The following SGMS1 variants were observed in gnomAD, a reference collection of about 807,000 sequenced individuals.
SGMS1 encodes sphingomyelin synthase 1, also known as phosphatidylcholine:ceramide cholinephosphotransferase 1.
In SGMS1, 13 loss-of-function variants were observed where a neutral mutation model predicts 46.2. That is an observed-to-expected ratio of 0.28 (90% CI 0.18 to 0.45). The LOEUF (loss-of-function observed/expected upper bound fraction) is 0.45. Ranked by LOEUF, SGMS1 falls within the 20% of genes least tolerant of loss-of-function variation. The pLI is 1.00. For synonymous variants in SGMS1, 203 were observed against 187.8 expected (o/e 1.08, Z -0.66); for missense variants, 324 against 519.9 (o/e 0.62, Z 3.66).
Position 50,306,929 on chromosome 10 carries a change from T to A in SGMS1, c.*213A>T. ...ACTTATGAACAGGAAATGTGTACAG[T>A]GCATGATAGGTTAAATTTTTCTTTA... On this transcript the variant is annotated 3_prime_UTR_variant, in exon 11 of 11. Coordinates refer to ENST00000361781, the MANE Select transcript of SGMS1 (RefSeq NM_147156.4). 1.9e-6 allele frequency: 1 copy of A among 534,804 alleles called. No homozygotes were observed. Among genetic ancestry groups the A allele is most frequent in the East Asian group, 3.0e-5 (1 of 33,504 alleles). 33.1% of individuals were successfully genotyped at this position (534,804 alleles called of 1,614,324 possible). A position where few individuals can be genotyped will look rare whatever the true frequency, so the allele number is the denominator to read the frequency against.
intron 6 of SGMS1, among the ~76,000 whole-genome samples, chr10:50,351,519 A>G (rs891475532): frequency 6.6e-6 from 1 of 152,204 alleles, no homozygotes; most frequent in Non-Finnish European, 1.5e-5. Flanking sequence ...AATTCCCATA[A>G]TTCCCATGTA....
intron 7 of SGMS1, among the ~76,000 whole-genome samples, chr10:50,338,825 CG>C (rs1160341012): frequency 6.6e-6 from 1 of 151,878 alleles, no homozygotes; most frequent in African/African-American, 2.4e-5. Flanking sequence ...CTGCAACCTC[CG>C]CCTCCTGGGT....
At chr10:50,367,006 T>C (rs1848358623) in intron 6 of SGMS1, among the ~76,000 whole-genome samples, 1 of 152,144 alleles carries the variant, frequency 6.6e-6, no homozygotes, top group Non-Finnish European at 1.5e-5. Flanking sequence ...AAAGAAGATA[T>C]CTATGCAGCC....
At chr10:50,390,112 C>T (rs1352809004) in intron 6 of SGMS1, among the ~76,000 whole-genome samples, 1 of 152,166 alleles carries the variant, frequency 6.6e-6, no homozygotes, top group Admixed American at 6.5e-5. Context: ...ATAAATAATT[C>T]ATTGAATAAT....
At chr10:50,453,685 G>A (rs1003119383) in intron 5 of SGMS1, among the ~76,000 whole-genome samples, 8 of 148,638 alleles carry the variant, frequency 5.4e-5, no homozygotes, top group South Asian at 2.1e-4. Context: ...AAGAAATAAC[G>A]ATAAAATATT....
chr10:50,581,708 C>T (rs1298470589), intron 2 of SGMS1, among the ~76,000 whole-genome samples: 1 of 152,164 alleles, frequency 6.6e-6, no homozygotes, highest in Non-Finnish European at 1.5e-5. Context: ...AGTAGCTAAT[C>T]CCTTTACTCT....
chr10:50,624,519 TGG>T (rs1296478840), upstream of SGMS1: 1 of 902,186 alleles, frequency 1.1e-6, no homozygotes, highest in Admixed American at 6.2e-5. Flanking sequence ...TGGCGACGCC[TGG>T]GAGCGCGACG....
At chr10:50,356,929 A>T (rs542329536) in intron 6 of SGMS1, among the ~76,000 whole-genome samples, 65 of 150,640 alleles carry the variant, frequency 4.3e-4, no homozygotes, top group Middle Eastern at 3.4e-3. Context: ...GGGTGGGGGG[A>T]GTGGGGAGGG....
At chr10:50,396,232 G>C (rs978635615) in intron 6 of SGMS1, among the ~76,000 whole-genome samples, 3 of 152,086 alleles carry the variant, frequency 2.0e-5, no homozygotes, top group Admixed American at 1.3e-4. Flanking sequence ...CCCCTCTAGA[G>C]GTCCAAGCTT....
chr10:50,620,975 G>A (rs1201774995), intron 1 of SGMS1, among the ~76,000 whole-genome samples: 1 of 152,122 alleles, frequency 6.6e-6, no homozygotes, highest in African/African-American at 2.4e-5. Flanking sequence ...CTTGAGCCCA[G>A]GAGTTTGGGA....
chr10:50,348,695 T>A (rs1847955546), intron 6 of SGMS1, among the ~76,000 whole-genome samples: 1 of 152,204 alleles, frequency 6.6e-6, no homozygotes. Context: ...AAACATCCCA[T>A]GCTTATGGAT....
At chr10:50,611,567 C>T (rs190873321) in intron 1 of SGMS1, among the ~76,000 whole-genome samples, 2 of 152,328 alleles carry the variant, frequency 1.3e-5, no homozygotes, top group Admixed American at 6.5e-5. Context: ...TGTGCTTGGA[C>T]AGCCAGCAGC....
chr10:50,313,748 TC>T (rs1393787546), intron 8 of SGMS1, among the ~76,000 whole-genome samples: 1 of 152,224 alleles, frequency 6.6e-6, no homozygotes, highest in Admixed American at 6.5e-5. Context: ...CCATACTTTG[TC>T]CTCTCATTTG....
chr10:50,404,839 A>G (rs1310091389), intron 6 of SGMS1, among the ~76,000 whole-genome samples: 1 of 152,180 alleles, frequency 6.6e-6, no homozygotes, highest in Non-Finnish European at 1.5e-5. Context: ...GCAAAAATAA[A>G]ATCAATTATT....
At position 50,420,743 on chromosome 10, in the gene SGMS1, C is replaced by A. The variant is rs766940943; in HGVS notation, c.-232+12733G>T. ...TACATAAAGCTTAAGTGTATATGAA[C>A]AACTCCATAAACTTAACACTGCAGT... On this transcript the variant is annotated intron_variant, in intron 6 of 10. Coordinates refer to ENST00000361781, the MANE Select transcript of SGMS1 (RefSeq NM_147156.4). Among the ~76,000 whole-genome samples the A allele has an allele frequency of 2.9e-4, 44 of 152,158 alleles. 1 individual carries two copies. The highest frequency in any genetic ancestry group is 2.0e-4 in the Admixed American group (3 of 15,276).
chr10:50,515,426 T>G (rs558640273), intron 3 of SGMS1, among the ~76,000 whole-genome samples: 2 of 152,334 alleles, frequency 1.3e-5, no homozygotes, highest in South Asian at 4.1e-4. Flanking sequence ...AAAATCATGC[T>G]AATCATGCAA....
chr10:50,546,812 G>A (rs1020000882), intron 2 of SGMS1, among the ~76,000 whole-genome samples: 1 of 151,938 alleles, frequency 6.6e-6, no homozygotes, highest in Non-Finnish European at 1.5e-5. Flanking sequence ...CATGGCGCAT[G>A]TATACATATG....
intron 2 of SGMS1, among the ~76,000 whole-genome samples, chr10:50,560,159 CAT>C (rs1478590421): frequency 3.7e-4 from 53 of 143,824 alleles, no homozygotes; most frequent in East Asian, 1.0e-3. Flanking sequence ...ATAAAATAGA[CAT>C]ATATTATACA....
intron 6 of SGMS1, among the ~76,000 whole-genome samples, chr10:50,397,295 T>G (rs1274090751): frequency 1.3e-5 from 2 of 152,120 alleles, no homozygotes; most frequent in Admixed American, 1.3e-4. Context: ...TGTGGGTGTC[T>G]AAGTTGTCAC....
Sources: gnomAD v4.1 joint callset for allele counts (sites outside exome capture counted in the v4.1 genomes callset) on GRCh38, gnomAD v4.1.1 for gene constraint, MANE v1.5 for transcripts, NCBI Gene and HGNC (gene_info 2026-07-23, HGNC 2026-07-21) for gene names.